Variants in OPCML observed in about 807,000 individuals in gnomAD.
OPCML encodes opioid-binding protein/cell adhesion molecule.
OPCML carries 13 observed loss-of-function variants against 37.8 expected under a neutral mutation model. That is an observed-to-expected ratio of 0.34 (90% confidence interval 0.22 to 0.55). The LOEUF (loss-of-function observed/expected upper bound fraction) is 0.55. Among genes scored for constraint, OPCML ranks in the 20% least tolerant of loss-of-function variants. The probability of loss-of-function intolerance (pLI) is 0.91; values close to 1 mark genes in which losing one functional copy is unlikely to be tolerated. For synonymous variants in OPCML, 176 were observed against 168.8 expected (o/e 1.04, Z -0.33); for missense variants, 341 against 435.6 (o/e 0.78, Z 1.93).
chr11:132,493,242 C>G (rs1006668048), intron 4 of OPCML, among the ~76,000 whole-genome samples: 8 of 152,146 alleles, frequency 5.3e-5, no homozygotes, highest in African/African-American at 1.9e-4. Flanking sequence ...TGACTGCCCT[C>G]AGTAGAATGA....
At chr11:133,030,966 ATG>A (rs1947656174) in intron 1 of OPCML, among the ~76,000 whole-genome samples, 2 of 152,186 alleles carry the variant, frequency 1.3e-5, no homozygotes, top group Admixed American at 1.3e-4. Flanking sequence ...AATTGGGGAA[ATG>A]TGTTTTTACT....
intron 1 of OPCML, among the ~76,000 whole-genome samples, chr11:133,147,566 T>A (rs966181094): frequency 3.3e-5 from 5 of 152,170 alleles, no homozygotes; most frequent in African/African-American, 4.8e-5. Context: ...GGGATAAGAA[T>A]GCTTACCTGG....
At chr11:133,179,006 T>G (rs1276307587) in intron 1 of OPCML, among the ~76,000 whole-genome samples, 1 of 152,168 alleles carries the variant, frequency 6.6e-6, no homozygotes, top group Non-Finnish European at 1.5e-5. Context: ...CTTTTCTCCA[T>G]GACTGGCTAT....
In OPCML at chr11:133,350,985, T is replaced by C. The variant is rs528542834; in HGVS notation, c.61+181279A>G. ...ATGCACATGAGGAAGGAGTGGGGTTTTAATGAAACTTCCTATGTCTCTATC... is the reference window on the plus strand; with the variant it reads ...ATGCACATGAGGAAGGAGTGGGGTTCTAATGAAACTTCCTATGTCTCTATC... On this transcript the variant is annotated intron_variant, in intron 1 of 7. Transcript: ENST00000524381. Among the ~76,000 whole-genome samples, 23 of 152,274 alleles carry C rather than the reference T, an allele frequency of 1.5e-4. No homozygotes were observed. In the South Asian group the frequency reaches 4.8e-3, roughly 32 times the overall value.
chr11:132,715,083 C>T (rs937698650), intron 2 of OPCML, among the ~76,000 whole-genome samples: 2 of 152,186 alleles, frequency 1.3e-5, no homozygotes, highest in African/African-American at 2.4e-5. Flanking sequence ...CAGATCACCC[C>T]AGTCCTCAGC....
chr11:132,961,078 C>T (rs1424976695), intron 1 of OPCML, among the ~76,000 whole-genome samples: 1 of 152,180 alleles, frequency 6.6e-6, no homozygotes, highest in Non-Finnish European at 1.5e-5. Context: ...TAGCAAGGGT[C>T]TGTCAGAAAT....
At chr11:133,517,655 G>C (rs1358473709) in intron 1 of OPCML, among the ~76,000 whole-genome samples, 4 of 152,244 alleles carry the variant, frequency 2.6e-5, no homozygotes, top group Non-Finnish European at 5.9e-5. Flanking sequence ...ATTGGAGCCA[G>C]GCTGACTCCT....
At chr11:132,925,809 T>C (rs1316170221) in intron 2 of OPCML, among the ~76,000 whole-genome samples, 1 of 152,184 alleles carries the variant, frequency 6.6e-6, no homozygotes, top group Non-Finnish European at 1.5e-5. Context: ...TGAGGGTTTT[T>C]TCTTGTTGTG....
rs111756417 is a variant in OPCML, at chr11:132,547,513, C to A, written c.380-18327G>T. Among the ~76,000 whole-genome samples, 421 of 152,224 alleles carry A rather than the reference C, an allele frequency of 2.8e-3. 3 individuals carry two copies. The highest frequency in any genetic ancestry group is 9.2e-3 in the African/African-American group (383 of 41,540). On this transcript the variant is annotated intron_variant, in intron 3 of 7. Coordinates refer to ENST00000524381, the MANE Select transcript of OPCML (RefSeq NM_001012393.5). Reference sequence around the variant, plus strand: ...TAGAGGCAGAGTCTGGAAAAGTGAACAGCCAGGTTCCAAACCCAATAGACA... The same window carrying A: ...TAGAGGCAGAGTCTGGAAAAGTGAAAAGCCAGGTTCCAAACCCAATAGACA...
In OPCML at chr11:132,452,903, G is replaced by A. The variant is rs192688786; in HGVS notation, c.506-15544C>T. Among the ~76,000 whole-genome samples, 80 of 152,202 alleles carry A rather than the reference G, an allele frequency of 5.3e-4. 1 individual carries two copies. Among genetic ancestry groups the A allele is most frequent in the Admixed American group, 3.9e-4 (6 of 15,284 alleles). On this transcript the variant is annotated intron_variant, in intron 4 of 7. Coordinates refer to ENST00000524381, the MANE Select transcript of OPCML (RefSeq NM_001012393.5). ...TGAGATTTCAAACATAGAAATAATA[G>A]GTGTCATTCATATACCACCCCTCCT...
chr11:133,172,758 A>G (rs1257601549), intron 1 of OPCML, among the ~76,000 whole-genome samples: 1 of 152,226 alleles, frequency 6.6e-6, no homozygotes, highest in Non-Finnish European at 1.5e-5. Flanking sequence ...TCCAAAAAAC[A>G]ATATATAATT....
chr11:133,233,177 G>A (rs1391009398), intron 1 of OPCML, among the ~76,000 whole-genome samples: 1 of 152,212 alleles, frequency 6.6e-6, no homozygotes, highest in Non-Finnish European at 1.5e-5. Context: ...AGGACCAAAA[G>A]AGGGGCCGAG....
chr11:133,246,927 G>A (rs1799623788), intron 1 of OPCML, among the ~76,000 whole-genome samples: 3 of 152,188 alleles, frequency 2.0e-5, no homozygotes, highest in Admixed American at 6.5e-5. Context: ...AGAATGAGCA[G>A]TGGCTTGCAT....
intron 1 of OPCML, among the ~76,000 whole-genome samples, chr11:133,486,886 T>G (rs190943798): frequency 2.0e-5 from 3 of 147,616 alleles, no homozygotes; most frequent in Non-Finnish European, 4.5e-5. Context: ...ATCTCTCCTT[T>G]CCCTCTCTAT....
chr11:133,228,101 A>C (rs1038751917), intron 1 of OPCML, among the ~76,000 whole-genome samples: 4 of 152,168 alleles, frequency 2.6e-5, no homozygotes, highest in African/African-American at 9.7e-5. Context: ...CCCATTCATT[A>C]ATTATTGTGC....
chr11:132,507,917 G>A (rs2096260881), intron 4 of OPCML, among the ~76,000 whole-genome samples: 2 of 151,858 alleles, frequency 1.3e-5, no homozygotes, highest in Admixed American at 6.5e-5. Context: ...TGGCTGAAAG[G>A]GAAAAAATAA....
At chr11:133,071,763 AAAAC>A (rs561225941) in intron 1 of OPCML, among the ~76,000 whole-genome samples, 140 of 152,290 alleles carry the variant, frequency 9.2e-4, no homozygotes, top group Middle Eastern at 3.4e-3. Flanking sequence ...GTCTTCTCCA[AAAAC>A]AAACAAACAA....
intron 2 of OPCML, among the ~76,000 whole-genome samples, chr11:132,900,621 A>T (rs2136497500): frequency 6.6e-6 from 1 of 152,294 alleles, no homozygotes; most frequent in Non-Finnish European, 1.5e-5. Flanking sequence ...TGCCTTACAG[A>T]CTTGGCACTG....
chr11:133,228,957 T>C (rs1489756175), intron 1 of OPCML, among the ~76,000 whole-genome samples: 1 of 152,176 alleles, frequency 6.6e-6, no homozygotes, highest in Non-Finnish European at 1.5e-5. Context: ...AAAACCAAAG[T>C]GTCCCAGTGG....
Sources: gnomAD v4.1 joint callset for allele counts (sites outside exome capture counted in the v4.1 genomes callset) on GRCh38, gnomAD v4.1.1 for gene constraint, MANE v1.5 for transcripts, NCBI Gene and HGNC (gene_info 2026-07-23, HGNC 2026-07-21) for gene names.